ADAM9: variants seen among roughly 807,000 people sequenced by gnomAD.
ADAM9 encodes the protein disintegrin and metalloproteinase domain-containing protein 9.
Under a neutral mutation model 108.1 loss-of-function variants are expected in ADAM9, and 54 were observed. The observed-to-expected ratio is 0.50, with a 90% CI of 0.40 to 0.63. The LOEUF is 0.63. ADAM9 is among the 20% of genes least tolerant of loss of function. The pLI is 0.00. For synonymous variants in ADAM9, 316 were observed against 336.0 expected (o/e 0.94, Z 0.65); for missense variants, 830 against 997.7 (o/e 0.83, Z 2.26).
chr8:39,010,646 G>A (rs1836325482), intron 2 of ADAM9, among the ~76,000 whole-genome samples: 1 of 152,218 alleles, frequency 6.6e-6, no homozygotes, highest in African/African-American at 2.4e-5. Context: ...TGTGGCTAAT[G>A]ACATGGTGAA....
intron 8 of ADAM9, 67 bp from the exon 9 acceptor site, chr8:39,023,089 A>T: frequency 7.2e-7 from 1 of 1,385,084 alleles, no homozygotes; most frequent in East Asian, 2.5e-5. Context: ...GTGTTACTTC[A>T]TGTGGTTAAA....
chr8:39,018,100 A>C (rs940277912), intron 6 of ADAM9, among the ~76,000 whole-genome samples: 1 of 152,202 alleles, frequency 6.6e-6, no homozygotes, highest in Non-Finnish European at 1.5e-5. Flanking sequence ...TACTCTTGAC[A>C]TGGGTGTCTC....
intron 1 of ADAM9, among the ~76,000 whole-genome samples, chr8:39,007,431 A>G (rs752337618): frequency 1.3e-5 from 2 of 152,214 alleles, no homozygotes; most frequent in African/African-American, 2.4e-5. Flanking sequence ...ATTTAGTAGT[A>G]TCATCTGAGA....
intron 14 of ADAM9, among the ~76,000 whole-genome samples, chr8:39,067,677 A>G (rs1274784698): frequency 6.6e-6 from 1 of 152,226 alleles, no homozygotes; most frequent in Non-Finnish European, 1.5e-5. Flanking sequence ...ATGTACAATC[A>G]TGTCATCTGC....
At chr8:39,067,509 T>A (rs1183787514) in intron 14 of ADAM9, among the ~76,000 whole-genome samples, 19 of 152,208 alleles carry the variant, frequency 1.2e-4, no homozygotes, top group African/African-American at 3.9e-4. Flanking sequence ...ATTCTCTTTT[T>A]AGCAATTGTG....
chr8:39,057,617 AG>A (rs1293479612), intron 14 of ADAM9, among the ~76,000 whole-genome samples: 9 of 152,156 alleles, frequency 5.9e-5, no homozygotes, highest in Non-Finnish European at 1.3e-4. Flanking sequence ...TGGAAGAGCT[AG>A]TGTTTCAGTT....
intron 12 of ADAM9, among the ~76,000 whole-genome samples, chr8:39,043,804 G>T (rs564014336): frequency 1.1e-4 from 17 of 152,182 alleles, no homozygotes; most frequent in Admixed American, 3.3e-4. Flanking sequence ...GGGGTCTCCA[G>T]TGTCTGTTAT....
chr8:39,065,275 G>A (rs1359718987), intron 14 of ADAM9, among the ~76,000 whole-genome samples: 1 of 141,110 alleles, frequency 7.1e-6, no homozygotes, highest in Non-Finnish European at 1.5e-5. Flanking sequence ...CTCTTTTATT[G>A]CGGTTTTCAT....
intron 8 of ADAM9, 58 bp downstream of exon 8, chr8:39,021,772 CA>C: frequency 6.8e-7 from 1 of 1,471,950 alleles, no homozygotes; most frequent in Non-Finnish European, 9.5e-7. Flanking sequence ...AGTCCCAGAA[CA>C]GAACTTAAAA....
At chr8:39,095,288 T>C (rs1177349583) in intron 20 of ADAM9, among the ~76,000 whole-genome samples, 2 of 152,184 alleles carry the variant, frequency 1.3e-5, no homozygotes, top group African/African-American at 2.4e-5. Flanking sequence ...TTTCAATCTG[T>C]GTTTGGTTGA....
intron 11 of ADAM9, among the ~76,000 whole-genome samples, chr8:39,030,540 A>G (rs1443204968): frequency 1.3e-5 from 2 of 152,222 alleles, no homozygotes; most frequent in African/African-American, 2.4e-5. Context: ...GCAATTATGA[A>G]AAAAGCTGCC....
intron 20 of ADAM9, among the ~76,000 whole-genome samples, chr8:39,097,669 T>TCA (rs1839554528): frequency 6.6e-6 from 1 of 152,150 alleles, no homozygotes; most frequent in African/African-American, 2.4e-5. Context: ...ACTATTGAAT[T>TCA]ATGAAATGTT....
chr8:39,005,396 A>G (rs928507734), intron 1 of ADAM9, among the ~76,000 whole-genome samples: 1 of 152,230 alleles, frequency 6.6e-6, no homozygotes, highest in East Asian at 1.9e-4. Context: ...ATTCCTACAC[A>G]AAGATTACAA....
intron 12 of ADAM9, among the ~76,000 whole-genome samples, chr8:39,048,637 A>G (rs547324380): frequency 3.3e-5 from 5 of 152,248 alleles, no homozygotes; most frequent in African/African-American, 9.6e-5. Context: ...TTGATCTTCT[A>G]TCTAGATGTT....
intron 11 of ADAM9, among the ~76,000 whole-genome samples, chr8:39,033,575 T>A (rs1323048873): frequency 2.0e-5 from 3 of 151,978 alleles, no homozygotes; most frequent in Non-Finnish European, 4.4e-5. Context: ...ATATGTCTTA[T>A]AATTATATCA....
intron 1 of ADAM9, among the ~76,000 whole-genome samples, chr8:39,006,160 T>G (rs190724092): frequency 1.3e-5 from 2 of 152,314 alleles, no homozygotes; most frequent in Admixed American, 1.3e-4. Context: ...TCAAGTTTGA[T>G]TCCTTAAAGG....
intron 18 of ADAM9, among the ~76,000 whole-genome samples, chr8:39,086,775 A>G (rs1200371398): frequency 6.6e-6 from 1 of 152,098 alleles, no homozygotes; most frequent in African/African-American, 2.4e-5. Context: ...ACATAGTTTG[A>G]TCCTTCTGGG....
intron 14 of ADAM9, among the ~76,000 whole-genome samples, chr8:39,064,230 A>G (rs765887668): frequency 1.4e-3 from 209 of 152,200 alleles, no homozygotes; most frequent in Non-Finnish European, 2.3e-3. Flanking sequence ...TATCAGTGCT[A>G]CGTTAACTTT....
rs2129433171 is a variant in ADAM9, at chr8:39,017,259, C to A, written c.451C>A (p.Pro151Thr). Residue 151 changes from proline (P) to threonine (T), a missense_variant, in exon 6 of 22, where the codon CCC (proline) becomes ACC (threonine). Coordinates refer to ENST00000487273, the MANE Select transcript of ADAM9 (RefSeq NM_003816.3). ...AGAGAATGCGAGTTATGGGATTGAA[C>A]CCCTGCAGAACAGCTCTCATTTTGA... ...HLENASYGIE[P>T]LQNSSHFEHI... is the part of the protein sequence containing the mutation. The A allele has an allele frequency of 6.2e-7, 1 of 1,614,060 alleles. No homozygotes were observed. The highest frequency in any genetic ancestry group is 8.5e-7 in the Non-Finnish European group (1 of 1,180,006).
Sources: allele counts gnomAD v4.1 joint callset (sites outside exome capture counted in the v4.1 genomes callset), GRCh38; gene constraint gnomAD v4.1.1; transcripts MANE v1.5; gene names NCBI Gene and HGNC (gene_info 2026-07-23, HGNC 2026-07-21).